DSCAML1: variants seen among roughly 807,000 people sequenced by gnomAD.
DSCAML1 encodes DS cell adhesion molecule like 1, also known as cell adhesion molecule DSCAML1.
In DSCAML1, 38 loss-of-function variants were observed where a neutral mutation model predicts 200.5. That is an observed-to-expected ratio of 0.19 (90% confidence interval 0.15 to 0.25). DSCAML1 has a LOEUF of 0.25. Among genes scored for constraint, DSCAML1 ranks in the 10% least tolerant of loss-of-function variants. The pLI is 1.00. For missense variants in DSCAML1, 2,223 were observed against 2,858.8 expected (o/e 0.78, Z 5.07); for synonymous variants, 1,215 against 1,165.0 (o/e 1.04, Z -0.87).
intron 11 of DSCAML1, among the ~76,000 whole-genome samples, chr11:117,497,482 T>C (rs2049312666): frequency 6.6e-6 from 1 of 152,222 alleles, no homozygotes; most frequent in South Asian, 2.1e-4. Flanking sequence ...CCAGCCTTTC[T>C]CCTCACCTCT....
upstream of DSCAML1, among the ~76,000 whole-genome samples, chr11:117,799,970 A>C (rs992999931): frequency 6.6e-6 from 1 of 152,222 alleles, no homozygotes; most frequent in Non-Finnish European, 1.5e-5. Context: ...GCTGTGACAA[A>C]GCCAGAGCCA....
chr11:117,643,577 G>A lies in DSCAML1; in HGVS notation c.512-111055C>T, dbSNP rs76346860. Reference sequence around the variant, plus strand: ...CTCATCGAAGGTGAGCTGCCACATCGTTTTTAAAAGACAGATCCTACCCAA... The same window carrying A: ...CTCATCGAAGGTGAGCTGCCACATCATTTTTAAAAGACAGATCCTACCCAA... On this transcript the variant is annotated intron_variant, in intron 3 of 32. Transcript: ENST00000651296. Among the ~76,000 whole-genome samples, 55 of 152,218 alleles carry A rather than the reference G, an allele frequency of 3.6e-4. 1 individual carries two copies. Among genetic ancestry groups the A allele is most frequent in the Middle Eastern group, 6.8e-3 (2 of 294 alleles).
At chr11:117,770,872 A>G (rs1326013512) in intron 3 of DSCAML1, among the ~76,000 whole-genome samples, 1 of 152,212 alleles carries the variant, frequency 6.6e-6, no homozygotes, top group Non-Finnish European at 1.5e-5. Flanking sequence ...TAGGCTTCAG[A>G]CAGACAAAGG....
intron 3 of DSCAML1, among the ~76,000 whole-genome samples, chr11:117,697,016 A>G (rs2053597091): frequency 6.6e-6 from 1 of 152,224 alleles, no homozygotes; most frequent in Non-Finnish European, 1.5e-5. Flanking sequence ...TCTATTTGCT[A>G]GGAACTTCCT....
intron 12 of DSCAML1, 97 bp from the exon 13 acceptor site, chr11:117,481,367 C>T (rs1018833819): frequency 1.7e-6 from 2 of 1,203,906 alleles, no homozygotes; most frequent in African/African-American, 1.5e-5. Context: ...CTCAGCAAGG[C>T]CCTCTTGTTC....
In DSCAML1 at chr11:117,780,420, C is replaced by A. The variant is rs2055231912; in HGVS notation, c.364+73G>T. 2 of 1,314,968 alleles carry A rather than the reference C, an allele frequency of 1.5e-6. 1 individual carries two copies. The highest frequency in any genetic ancestry group is 3.0e-5 in the African/African-American group (2 of 66,282). 81.5% of individuals were successfully genotyped at this position (1,314,968 alleles called of 1,614,324 possible). Reference sequence around the variant, plus strand: ...TTGAGTGAACGACTTCTTGCAAGCCCCTCCGAATATCCTCAGAATGACGGC... The same window carrying A: ...TTGAGTGAACGACTTCTTGCAAGCCACTCCGAATATCCTCAGAATGACGGC... On this transcript the variant is annotated intron_variant, in intron 2 of 32. Transcript: ENST00000651296. The surrounding 1 kb of genome is among the most constrained non-coding windows in gnomAD (Gnocchi z 4.8).
chr11:117,537,086 C>T (rs185931073), intron 3 of DSCAML1, among the ~76,000 whole-genome samples: 1 of 152,338 alleles, frequency 6.6e-6, no homozygotes, highest in African/African-American at 2.4e-5. Flanking sequence ...TTCCTATGCT[C>T]TTCCAAAGCT....
chr11:117,509,980 C>T (rs1425565106), intron 8 of DSCAML1, among the ~76,000 whole-genome samples: 1 of 152,252 alleles, frequency 6.6e-6, no homozygotes, highest in Non-Finnish European at 1.5e-5. Context: ...AGAAGCCCTG[C>T]TCTGGCCACA....
At chr11:117,617,418 T>C (rs2051830748) in intron 3 of DSCAML1, among the ~76,000 whole-genome samples, 1 of 152,200 alleles carries the variant, frequency 6.6e-6, no homozygotes, top group Non-Finnish European at 1.5e-5. Context: ...AGTCTCCTCA[T>C]TTGCATGATA....
At chr11:117,816,603 A>G (rs540531471) in intron 1 of DSCAML1, among the ~76,000 whole-genome samples, 4 of 152,132 alleles carry the variant, frequency 2.6e-5, no homozygotes, top group African/African-American at 9.7e-5. Context: ...GGAAGCCTGG[A>G]GAGTCTGGGA....
chr11:117,813,533 A>T (rs1256249132), intron 1 of DSCAML1, among the ~76,000 whole-genome samples: 2 of 152,200 alleles, frequency 1.3e-5, no homozygotes, highest in African/African-American at 4.8e-5. Flanking sequence ...CTGAATCTCC[A>T]TAGGCACTCT....
chr11:117,638,686 C>T (rs755932929), intron 3 of DSCAML1, among the ~76,000 whole-genome samples: 7 of 152,184 alleles, frequency 4.6e-5, no homozygotes, highest in African/African-American at 7.2e-5. Context: ...GGCACATCCA[C>T]GTCACAACAT....
Position 117,518,882 on chromosome 11 carries a change from T to A in DSCAML1, c.1214-120A>T, listed in dbSNP as rs1565759927. 3 of 1,122,348 alleles carry A rather than the reference T, an allele frequency of 2.7e-6. No homozygotes were observed. The East Asian group carries it at 7.7e-5, about 29-fold the overall frequency. 69.5% of individuals were successfully genotyped at this position (1,122,348 alleles called of 1,614,324 possible). A position where few individuals can be genotyped will look rare whatever the true frequency, so the allele number is the denominator to read the frequency against. On this transcript the variant is annotated intron_variant, in intron 6 of 32. Transcript: ENST00000651296. The surrounding 1 kb of genome is among the most constrained non-coding windows in gnomAD (Gnocchi z 6.3). ...AGCCATAAGAGCAAACAAGAACTTT[T>A]GTGTACATCAATTCTTCTGCTATCC... is the stretch of plus-strand genomic sequence containing the variant.
chr11:117,546,745 G>C (rs1294749288), intron 3 of DSCAML1, among the ~76,000 whole-genome samples: 1 of 152,104 alleles, frequency 6.6e-6, no homozygotes, highest in Non-Finnish European at 1.5e-5. Context: ...AGGCACGGTG[G>C]CTAGTTCTCT....
rs756955590 is a variant in DSCAML1, at chr11:117,518,533, G to A, written c.1443C>T (p.Gly481=). ...AGTTCCGCGCTGTGCACCGGTACAC[G>A]CCCCCGTCGCGGATCTGGGGGCCTG... ...NVTGPQIRDG[G]VYRCTARNLV... The change falls in exon 7 of 33, where the codon GGC becomes GGT. Residue 481 remains glycine, a synonymous_variant. Coordinates refer to ENST00000651296, the MANE Select transcript of DSCAML1 (RefSeq NM_020693.4). This position sits in a 1 kb window ranked among gnomAD's most constrained non-coding sequence, Gnocchi z 6.3. 1.1e-5 allele frequency: 18 copies of A among 1,614,032 alleles called. No individual in the cohort carries two copies. The highest frequency in any genetic ancestry group is 1.3e-5 in the Non-Finnish European group (15 of 1,180,044).
chr11:117,671,888 G>A (rs2053115826), intron 3 of DSCAML1, among the ~76,000 whole-genome samples: 1 of 151,812 alleles, frequency 6.6e-6, no homozygotes, highest in Non-Finnish European at 1.5e-5. Flanking sequence ...GAGGCGGGCG[G>A]ATTACCTGAG....
At chr11:117,557,727 G>A (rs1303733478) in intron 3 of DSCAML1, among the ~76,000 whole-genome samples, 4 of 152,316 alleles carry the variant, frequency 2.6e-5, no homozygotes, top group African/African-American at 9.6e-5. Flanking sequence ...TCAGGAGGGA[G>A]GCAGTGAGAA....
chr11:117,565,592 T>G (rs562216947), intron 3 of DSCAML1, among the ~76,000 whole-genome samples: 2 of 152,358 alleles, frequency 1.3e-5, no homozygotes, highest in East Asian at 3.9e-4. Flanking sequence ...TGCTCTATCC[T>G]AAGATCCTGG....
intron 11 of DSCAML1, among the ~76,000 whole-genome samples, chr11:117,484,606 A>G (rs1438784977): frequency 6.6e-6 from 1 of 152,244 alleles, no homozygotes; most frequent in Non-Finnish European, 1.5e-5. Context: ...AAGGTTTTAC[A>G]CTCTCAAGGA....
Sources: gnomAD v4.1 joint callset for allele counts (sites outside exome capture counted in the v4.1 genomes callset) on GRCh38, gnomAD v4.1.1 for gene constraint, Gnocchi (gnomAD v3.1) non-coding constraint, MANE v1.5 for transcripts, NCBI Gene and HGNC (gene_info 2026-07-23, HGNC 2026-07-21) for gene names.